The following ADAMTS3 variants were observed in gnomAD, a reference collection of about 807,000 sequenced individuals.
ADAMTS3 encodes the protein A disintegrin and metalloproteinase with thrombospondin motifs 3.
Under a neutral mutation model 129.0 loss-of-function variants are expected in ADAMTS3, and 73 were observed. The observed-to-expected ratio is 0.57, with a 90% CI of 0.47 to 0.69. ADAMTS3 has a LOEUF of 0.69. Among genes scored for constraint, ADAMTS3 ranks in the 30% least tolerant of loss-of-function variants. The pLI is 0.00. For synonymous variants in ADAMTS3, 477 were observed against 510.8 expected (o/e 0.93, Z 0.89); for missense variants, 1,457 against 1,514.5 (o/e 0.96, Z 0.63).
intron 4 of ADAMTS3, among the ~76,000 whole-genome samples, chr4:72,384,181 C>A (rs551909189): frequency 1.3e-5 from 2 of 151,812 alleles, no homozygotes; most frequent in South Asian, 4.2e-4. Flanking sequence ...GTAGCAATAC[C>A]CAAAGGTATG....
At chr4:72,303,289 G>A (rs1718998890) in intron 17 of ADAMTS3, among the ~76,000 whole-genome samples, 1 of 151,884 alleles carries the variant, frequency 6.6e-6, no homozygotes, top group African/African-American at 2.4e-5. Flanking sequence ...AATAAAGTGT[G>A]TGTGTGCTAC....
chr4:72,283,389 C>T lies in ADAMTS3; in HGVS notation c.3365G>A (p.Ser1122Asn), dbSNP rs148581726. The change falls in exon 22 of 22, where the codon AGT (serine) becomes AAT (asparagine). Residue 1122 changes from serine to asparagine, a missense_variant. Coordinates refer to ENST00000286657, the MANE Select transcript of ADAMTS3 (RefSeq NM_014243.3). ...PNAYAAFRPNSKPDGANLRQR... is the reference protein window; with the variant it reads ...PNAYAAFRPNNKPDGANLRQR... ...GCGTAAATTAGCACCATCAGGTTTACTGTTTGGCCTGAAAGCAGCATATGC... is the reference window on the plus strand; with the variant it reads ...GCGTAAATTAGCACCATCAGGTTTATTGTTTGGCCTGAAAGCAGCATATGC... The T allele has an allele frequency of 8.8e-4, 1,423 of 1,613,748 alleles. 15 individuals carry two copies. In the South Asian group the frequency reaches 0.01, roughly 12 times the overall value.
chr4:72,525,967 G>C (rs1222776174), intron 3 of ADAMTS3, among the ~76,000 whole-genome samples: 2 of 152,102 alleles, frequency 1.3e-5, no homozygotes, highest in South Asian at 2.1e-4. Flanking sequence ...GAAAAACAAG[G>C]GGGTAGAGAG....
chr4:72,336,812 A>T (rs1720002343), intron 5 of ADAMTS3, among the ~76,000 whole-genome samples: 1 of 152,112 alleles, frequency 6.6e-6, no homozygotes, highest in Non-Finnish European at 1.5e-5. Context: ...GCAGCATCCC[A>T]GGCCTCTGTC....
chr4:72,418,870 C>G (rs1722374752), intron 3 of ADAMTS3, among the ~76,000 whole-genome samples: 1 of 152,346 alleles, frequency 6.6e-6, no homozygotes, highest in South Asian at 2.1e-4. Context: ...GCCCACCATC[C>G]TCAAGTTTGC....
chr4:72,403,595 A>G (rs1171013634), intron 4 of ADAMTS3, among the ~76,000 whole-genome samples: 1 of 138,760 alleles, frequency 7.2e-6, no homozygotes, highest in Non-Finnish European at 1.6e-5. Context: ...TAAGTGAAAA[A>G]TCATGTGGTA....
At position 72,559,668 on chromosome 4, in the gene ADAMTS3, GAC is replaced by G. The variant is rs780837841; in HGVS notation, c.97+7704_97+7705del. On this transcript the variant is annotated intron_variant, in intron 2 of 21. Coordinates refer to ENST00000286657, the MANE Select transcript of ADAMTS3 (RefSeq NM_014243.3). ...AGAAAAAGAAACAGCACAAGTCAAA[GAC>G]ACACTAATAACAATAGTTATGATTC... is the stretch of plus-strand genomic sequence containing the variant. 2.3e-4 allele frequency among the ~76,000 whole-genome samples: 35 copies of G among 151,802 alleles called. 1 individual carries two copies. Among genetic ancestry groups the G allele is most frequent in the Admixed American group, 1.2e-3 (19 of 15,268 alleles).
chr4:72,396,477 A>C (rs1411901864), intron 4 of ADAMTS3, among the ~76,000 whole-genome samples: 1 of 152,158 alleles, frequency 6.6e-6, no homozygotes, highest in African/African-American at 2.4e-5. Flanking sequence ...AAAAGAAATG[A>C]TGACACCCAC....
At chr4:72,465,394 G>C (rs1226211094) in intron 3 of ADAMTS3, among the ~76,000 whole-genome samples, 1 of 152,026 alleles carries the variant, frequency 6.6e-6, no homozygotes, top group Non-Finnish European at 1.5e-5. Context: ...TCTTTACCAA[G>C]GCTTGGATCA....
At chr4:72,328,264 A>G (rs907832387) in intron 5 of ADAMTS3, among the ~76,000 whole-genome samples, 28 of 152,202 alleles carry the variant, frequency 1.8e-4, no homozygotes, top group African/African-American at 5.3e-4. Flanking sequence ...GAGTTTGTCA[A>G]TGATGTGAGG....
rs1280080299 is a variant in ADAMTS3, at chr4:72,313,808, A to G, written c.1614T>C (p.Gly538=). The change falls in exon 12 of 22, where the codon GGT becomes GGC. Residue 538 remains glycine, a synonymous_variant. Coordinates refer to ENST00000286657, the MANE Select transcript of ADAMTS3 (RefSeq NM_014243.3). The stretch of plus-strand genomic sequence containing the variant: ...GATTAGCATTCTTCCACATGCAATG[A>G]CCCTTATAGCACCACTTAGAAAAAT... ...ECAAGKWCYK[G]HCMWKNANQQ... 6.2e-7 allele frequency: 1 copy of G among 1,613,750 alleles called. No individual in the cohort carries two copies. Among genetic ancestry groups the G allele is most frequent in the Admixed American group, 1.7e-5 (1 of 59,998 alleles).
At position 72,315,943 on chromosome 4, in the gene ADAMTS3, A is replaced by G. The variant is rs879494323; in HGVS notation, c.1514T>C (p.Leu505Pro). The change falls in exon 11 of 22, where the codon CTG becomes CCG. Residue 505 changes from leucine to proline, a missense_variant. Leu to Pro is a moderately conservative substitution (Grantham distance 98, BLOSUM62 -3). Coordinates refer to ENST00000286657, the MANE Select transcript of ADAMTS3 (RefSeq NM_014243.3). ...GGGATTATCAGGATGGCTACACCAC[A>G]GCTGTTTACATGGGTCAAAGGTTCG... ...AFRTFDPCKQ[L>P]WCSHPDNPYF... The G allele has an allele frequency of 6.2e-7, 1 of 1,613,232 alleles. No individual in the cohort carries two copies. Among genetic ancestry groups the G allele is most frequent in the Non-Finnish European group, 8.5e-7 (1 of 1,179,488 alleles).
At chr4:72,505,572 G>T (rs1221411569) in intron 3 of ADAMTS3, among the ~76,000 whole-genome samples, 1 of 152,226 alleles carries the variant, frequency 6.6e-6, no homozygotes, top group African/African-American at 2.4e-5. Flanking sequence ...AGACGGTAGA[G>T]GGGAAGGGCA....
chr4:72,443,646 G>GTAA (rs1445635832), intron 3 of ADAMTS3, among the ~76,000 whole-genome samples: 2 of 151,028 alleles, frequency 1.3e-5, no homozygotes, highest in African/African-American at 4.9e-5. Flanking sequence ...ATTTTAAAAG[G>GTAA]TAATATTTCC....
chr4:72,549,888 T>C (rs1297443404), intron 2 of ADAMTS3, among the ~76,000 whole-genome samples: 1 of 143,294 alleles, frequency 7.0e-6, no homozygotes, highest in African/African-American at 2.6e-5. Context: ...ATTATAAGAA[T>C]GATTTTAAGA....
intron 4 of ADAMTS3, among the ~76,000 whole-genome samples, chr4:72,396,672 A>G (rs1374457781): frequency 1.3e-5 from 2 of 152,188 alleles, no homozygotes; most frequent in African/African-American, 4.8e-5. Context: ...GACACATGAC[A>G]TTACTTTTAA....
intron 3 of ADAMTS3, among the ~76,000 whole-genome samples, chr4:72,415,750 T>C (rs544541786): frequency 2.0e-5 from 3 of 152,176 alleles, no homozygotes; most frequent in Non-Finnish European, 2.9e-5. Flanking sequence ...GCCAGTACTA[T>C]AGCTGAAGAA....
intron 3 of ADAMTS3, among the ~76,000 whole-genome samples, chr4:72,415,735 C>G (rs1254707688): frequency 6.6e-6 from 1 of 151,964 alleles, no homozygotes; most frequent in African/African-American, 2.4e-5. Context: ...AACACCAGGG[C>G]TATAGCCAGT....
chr4:72,460,637 TA>T (rs1718741613), intron 3 of ADAMTS3, among the ~76,000 whole-genome samples: 1 of 151,312 alleles, frequency 6.6e-6, no homozygotes, highest in African/African-American at 2.4e-5. Context: ...AAAGAAAAAC[TA>T]AAATAGGTGT....
Sources: allele counts gnomAD v4.1 joint callset (sites outside exome capture counted in the v4.1 genomes callset), GRCh38; gene constraint gnomAD v4.1.1; transcripts MANE v1.5; gene names NCBI Gene and HGNC (gene_info 2026-07-23, HGNC 2026-07-21).